SPIDR: variants seen among roughly 807,000 people sequenced by gnomAD.
The protein encoded by SPIDR is scaffold protein involved in DNA repair.
Under a neutral mutation model 104.6 loss-of-function variants are expected in SPIDR, and 93 were observed. That is an observed-to-expected ratio of 0.89 (90% confidence interval 0.75 to 1.06). The LOEUF (loss-of-function observed/expected upper bound fraction) is 1.06. Among genes scored for constraint, SPIDR ranks in the 50% least tolerant of loss-of-function variants. The pLI is 0.00. For synonymous variants in SPIDR, 431 were observed against 416.9 expected (o/e 1.03, Z -0.41); for missense variants, 1,154 against 1,111.2 (o/e 1.04, Z -0.55).
intron 8 of SPIDR, among the ~76,000 whole-genome samples, chr8:47,562,790 A>T (rs2057241479): frequency 6.6e-6 from 1 of 152,148 alleles, no homozygotes; most frequent in Non-Finnish European, 1.5e-5. Context: ...GAAGAGACTT[A>T]TTCCTACTCC....
intron 5 of SPIDR, among the ~76,000 whole-genome samples, chr8:47,328,764 T>C (rs782236834): frequency 5.9e-5 from 9 of 152,192 alleles, no homozygotes; most frequent in Non-Finnish European, 7.3e-5. Flanking sequence ...TTATTGTTGA[T>C]ATAGTTGCAT....
At chr8:47,358,844 A>G (rs143260629) in intron 5 of SPIDR, among the ~76,000 whole-genome samples, 2 of 152,308 alleles carry the variant, frequency 1.3e-5, no homozygotes, top group East Asian at 3.9e-4. Context: ...ATACATATAT[A>G]CAGACATACT....
At chr8:47,577,453 T>C (rs1047743872) in intron 8 of SPIDR, among the ~76,000 whole-genome samples, 1 of 152,234 alleles carries the variant, frequency 6.6e-6, no homozygotes, top group African/African-American at 2.4e-5. Context: ...TACAGTTGCA[T>C]CTTAAACAAC....
chr8:47,371,150 A>G (rs1326772521), intron 5 of SPIDR, among the ~76,000 whole-genome samples: 3 of 146,714 alleles, frequency 2.0e-5, no homozygotes, highest in East Asian at 3.9e-4. Flanking sequence ...TTTTTTAAGG[A>G]AAAAAAAAAG....
intron 8 of SPIDR, among the ~76,000 whole-genome samples, chr8:47,469,961 A>G (rs1239512250): frequency 2.0e-5 from 3 of 152,212 alleles, no homozygotes; most frequent in Non-Finnish European, 4.4e-5. Flanking sequence ...TCAGGCTTTA[A>G]TATTGTTAAG....
chr8:47,333,256 T>G (rs537217715), intron 5 of SPIDR, among the ~76,000 whole-genome samples: 83 of 152,238 alleles, frequency 5.5e-4, no homozygotes, highest in Admixed American at 1.4e-3. Context: ...TGAGGATGTT[T>G]TACAGTTAAC....
At chr8:47,714,514 TTATAA>T (rs2082302887) in intron 16 of SPIDR, among the ~76,000 whole-genome samples, 2 of 152,332 alleles carry the variant, frequency 1.3e-5, no homozygotes, top group Non-Finnish European at 2.9e-5. Flanking sequence ...TTTTTTAACT[TTATAA>T]AACTTAGTAA....
At chr8:47,385,810 TTTG>T (rs1157578380) in intron 5 of SPIDR, among the ~76,000 whole-genome samples, 6 of 152,300 alleles carry the variant, frequency 3.9e-5, no homozygotes, top group East Asian at 1.9e-4. Flanking sequence ...TTTGTCCTCT[TTTG>T]TTGTTGTTGT....
intron 2 of SPIDR, among the ~76,000 whole-genome samples, chr8:47,282,278 A>G (rs1179682875): frequency 2.0e-5 from 3 of 152,374 alleles, no homozygotes; most frequent in Admixed American, 6.5e-5. Flanking sequence ...AGCCCCTAAT[A>G]TGAGTATCAG....
chr8:47,476,607 C>G (rs1042973403), intron 8 of SPIDR, among the ~76,000 whole-genome samples: 1 of 152,142 alleles, frequency 6.6e-6, no homozygotes, highest in Admixed American at 6.5e-5. Flanking sequence ...CCCTTCACCC[C>G]TGCCTGGACC....
chr8:47,281,798 T>A (rs2037833817), intron 2 of SPIDR, among the ~76,000 whole-genome samples: 1 of 152,258 alleles, frequency 6.6e-6, no homozygotes, highest in Non-Finnish European at 1.5e-5. Context: ...TGAATGTTCC[T>A]AATGGCACAT....
intron 10 of SPIDR, among the ~76,000 whole-genome samples, chr8:47,647,413 G>A (rs1348662041): frequency 4.6e-5 from 7 of 152,126 alleles, no homozygotes; most frequent in African/African-American, 1.7e-4. Context: ...TCAGGAGTTC[G>A]AGACCAGCCT....
Position 47,555,943 on chromosome 8 carries a change from A to G in SPIDR, c.1098-39868A>G, listed in dbSNP as rs374359022. 1.3e-4 allele frequency among the ~76,000 whole-genome samples: 20 copies of G among 152,350 alleles called. No homozygotes were observed. The East Asian group carries it at 3.1e-3, about 23-fold the overall frequency. ...AGTCTGTCTGTCTGACAGGGTTGTT[A>G]TGGGAACTAAATAAAATAATAGAAG... On this transcript the variant is annotated intron_variant, in intron 8 of 19. Coordinates refer to ENST00000297423, the MANE Select transcript of SPIDR (RefSeq NM_001080394.4).
intron 8 of SPIDR, among the ~76,000 whole-genome samples, chr8:47,535,022 G>C (rs1445693050): frequency 1.3e-5 from 2 of 152,084 alleles, no homozygotes; most frequent in Non-Finnish European, 2.9e-5. Flanking sequence ...AAAACTCTCT[G>C]CCCACAAATT....
At chr8:47,275,947 C>T (rs1308425341) in intron 1 of SPIDR, among the ~76,000 whole-genome samples, 1 of 152,186 alleles carries the variant, frequency 6.6e-6, no homozygotes, top group Non-Finnish European at 1.5e-5. Context: ...GCCTGGGTCT[C>T]CTGTGCTCAA....
intron 8 of SPIDR, chr8:47,527,567 A>G (rs1036153510): frequency 1.3e-5 from 2 of 152,252 alleles, no homozygotes; most frequent in African/African-American, 4.8e-5. Context: ...AAACATGGAC[A>G]CCAGAGAAAA....
At chr8:47,409,388 C>T (rs2063198715) in intron 7 of SPIDR, among the ~76,000 whole-genome samples, 1 of 152,032 alleles carries the variant, frequency 6.6e-6, no homozygotes, top group Non-Finnish European at 1.5e-5. Context: ...AAAGATTCCA[C>T]ATGTCTAGAA....
At chr8:47,538,046 G>A (rs191399596) in intron 8 of SPIDR, among the ~76,000 whole-genome samples, 6 of 151,936 alleles carry the variant, frequency 3.9e-5, no homozygotes, top group African/African-American at 1.2e-4. Flanking sequence ...GTGGTGACTC[G>A]CGCATATAAT....
intron 5 of SPIDR, among the ~76,000 whole-genome samples, chr8:47,328,094 T>G (rs1402194818): frequency 1.3e-5 from 2 of 152,104 alleles, no homozygotes; most frequent in East Asian, 3.8e-4. Context: ...TATCTATTAT[T>G]TCTTCTGTTG....
Sources: allele counts gnomAD v4.1 joint callset (sites outside exome capture counted in the v4.1 genomes callset), GRCh38; gene constraint gnomAD v4.1.1; transcripts MANE v1.5; gene names NCBI Gene and HGNC (gene_info 2026-07-23, HGNC 2026-07-21).